Variants in XPO7 observed in about 807,000 individuals in gnomAD.
XPO7 encodes the protein exportin 7, also known as exportin-7.
Under a neutral mutation model 144.3 loss-of-function variants are expected in XPO7, and 21 were observed. That is an observed-to-expected ratio of 0.15 (90% CI 0.10 to 0.21). The LOEUF is 0.21. Among genes scored for constraint, XPO7 ranks in the 10% least tolerant of loss-of-function variants. The probability of loss-of-function intolerance (pLI) is 1.00; values close to 1 mark genes in which losing one functional copy is unlikely to be tolerated. For missense variants in XPO7, 808 were observed against 1,325.8 expected (o/e 0.61, Z 6.06); for synonymous variants, 580 against 499.6 (o/e 1.16, Z -2.15).
intron 25 of XPO7, 85 bp downstream of exon 25, chr8:22,002,357 T>C: frequency 6.8e-7 from 1 of 1,463,598 alleles, no homozygotes; most frequent in African/African-American, 1.4e-5. Flanking sequence ...CACACACGAT[T>C]AACATGACAT....
intron 1 of XPO7, among the ~76,000 whole-genome samples, chr8:21,950,089 TC>T (rs1811320473): frequency 1.3e-5 from 2 of 152,332 alleles, no homozygotes; most frequent in Admixed American, 6.5e-5. Flanking sequence ...CAGGTATTGT[TC>T]AGTTCTGAAC....
chr8:22,003,545 C>T (rs1390582638), intron 26 of XPO7, among the ~76,000 whole-genome samples: 1 of 152,170 alleles, frequency 6.6e-6, no homozygotes, highest in Non-Finnish European at 1.5e-5. Flanking sequence ...AGGAGTGTTT[C>T]CCCTAGGCAG....
At chr8:21,952,644 C>CTCTAGGAGAAAAAAA (rs1811408618) in intron 1 of XPO7, among the ~76,000 whole-genome samples, 1 of 151,930 alleles carries the variant, frequency 6.6e-6, no homozygotes, top group Non-Finnish European at 1.5e-5. Context: ...TATTTTATAC[C>CTCTAGGAGAAAAAAA]AGATAAGTAC....
At chr8:21,963,081 A>T (rs965612692) in intron 1 of XPO7, among the ~76,000 whole-genome samples, 1 of 152,208 alleles carries the variant, frequency 6.6e-6, no homozygotes, top group African/African-American at 2.4e-5. Context: ...GCAATTCTTT[A>T]TATATTTGTG....
chr8:21,981,137 A>C (rs1360858026), intron 9 of XPO7, among the ~76,000 whole-genome samples: 1 of 152,242 alleles, frequency 6.6e-6, no homozygotes, highest in Non-Finnish European at 1.5e-5. Context: ...ATATGCTAAC[A>C]GAAGAAGACA....
intron 1 of XPO7, among the ~76,000 whole-genome samples, chr8:21,931,923 A>G (rs1334257211): frequency 6.6e-6 from 1 of 152,102 alleles, no homozygotes; most frequent in Non-Finnish European, 1.5e-5. Flanking sequence ...CCTAGGTTGG[A>G]GTGCAGTGGC....
At chr8:21,983,363 C>T (rs1469767360) in intron 11 of XPO7, among the ~76,000 whole-genome samples, 1 of 152,166 alleles carries the variant, frequency 6.6e-6, no homozygotes, top group Non-Finnish European at 1.5e-5. Flanking sequence ...TCAAAAATTA[C>T]CTATATTAAA....
At chr8:21,982,548 A>AC in intron 10 of XPO7, 92 bp from the exon 11 acceptor site, 1 of 1,433,078 alleles carries the variant, frequency 7.0e-7, no homozygotes, top group East Asian at 2.4e-5. Flanking sequence ...TTTTAAAAAA[A>AC]AGAAAAAAGT....
At chr8:21,951,542 C>A (rs1811374384) in intron 1 of XPO7, among the ~76,000 whole-genome samples, 1 of 152,144 alleles carries the variant, frequency 6.6e-6, no homozygotes, top group South Asian at 2.1e-4. Flanking sequence ...TAGGGGACTT[C>A]AGAGTCACAT....
intron 1 of XPO7, among the ~76,000 whole-genome samples, chr8:21,924,634 G>T (rs1188911422): frequency 6.6e-6 from 1 of 152,084 alleles, no homozygotes; most frequent in Non-Finnish European, 1.5e-5. Flanking sequence ...GCTCTCTGGT[G>T]GGGGTGGGGA....
At chr8:21,926,088 G>T (rs1018654768) in intron 1 of XPO7, among the ~76,000 whole-genome samples, 2 of 151,944 alleles carry the variant, frequency 1.3e-5, no homozygotes, top group Non-Finnish European at 2.9e-5. Context: ...GGTAGGCTGA[G>T]AAATGATTCT....
chr8:21,921,964 T>TA (rs1331833737), intron 1 of XPO7, among the ~76,000 whole-genome samples: 1 of 152,172 alleles, frequency 6.6e-6, no homozygotes, highest in Non-Finnish European at 1.5e-5. Context: ...ATGAAAAAGA[T>TA]ACACGCTTCC....
intron 1 of XPO7, among the ~76,000 whole-genome samples, chr8:21,948,975 A>C (rs770365327): frequency 6.6e-6 from 1 of 152,216 alleles, no homozygotes; most frequent in Non-Finnish European, 1.5e-5. Flanking sequence ...CATTACCAGG[A>C]AATATGCCCC....
chr8:21,962,581 G>A (rs1190166301), intron 1 of XPO7, among the ~76,000 whole-genome samples: 1 of 152,036 alleles, frequency 6.6e-6, no homozygotes, highest in Non-Finnish European at 1.5e-5. Context: ...CTTTACAGTT[G>A]TTAGGATTTT....
chr8:21,953,800 G>T (rs1284037328), intron 1 of XPO7, among the ~76,000 whole-genome samples: 1 of 152,174 alleles, frequency 6.6e-6, no homozygotes, highest in Non-Finnish European at 1.5e-5. Context: ...TTTGCCATCT[G>T]TGTATCTTTG....
chr8:21,999,738 AG>A, intron 24 of XPO7, 64 bp downstream of exon 24: 1 of 1,597,972 alleles, frequency 6.3e-7, no homozygotes, highest in Non-Finnish European at 8.5e-7. Context: ...CTAAACAGAA[AG>A]AGAGAATCTT....
chr8:21,981,122 C>T (rs768588280), intron 9 of XPO7, among the ~76,000 whole-genome samples: 1 of 152,100 alleles, frequency 6.6e-6, no homozygotes, highest in African/African-American at 2.4e-5. Context: ...AAAGTCTTAG[C>T]CCACATATGC....
chr8:21,939,461 TCCGTCTG>T (rs1400164520), intron 1 of XPO7, among the ~76,000 whole-genome samples: 50 of 152,286 alleles, frequency 3.3e-4, no homozygotes, highest in African/African-American at 1.2e-3. Flanking sequence ...CCTCAGGTGA[TCCGTCTG>T]CCTCAGCCTC....
chr8:22,001,888 T>C (rs1813159830), intron 24 of XPO7, among the ~76,000 whole-genome samples: 1 of 152,210 alleles, frequency 6.6e-6, no homozygotes, highest in Admixed American at 6.5e-5. Flanking sequence ...CCACAACACA[T>C]TGAGCCGATA....
Sources: gnomAD v4.1 joint callset for allele counts (sites outside exome capture counted in the v4.1 genomes callset) on GRCh38, gnomAD v4.1.1 for gene constraint, MANE v1.5 for transcripts, NCBI Gene and HGNC (gene_info 2026-07-23, HGNC 2026-07-21) for gene names.